Variants in PAWR observed in about 807,000 individuals in gnomAD.
PAWR encodes pro-apoptotic WT1 regulator, also known as PRKC apoptosis WT1 regulator protein.
A neutral mutation model predicts 32.0 loss-of-function variants in PAWR; 23 were observed. That is an observed-to-expected ratio of 0.72 (90% CI 0.52 to 1.02). The LOEUF (loss-of-function observed/expected upper bound fraction) is 1.02, where lower values mean the gene tolerates loss of function less well. Ranked by LOEUF, PAWR falls within the 50% of genes least tolerant of loss-of-function variation. The probability of loss-of-function intolerance (pLI) is 0.00; values close to 1 mark genes in which losing one functional copy is unlikely to be tolerated. For synonymous variants in PAWR, 226 were observed against 187.1 expected (o/e 1.21, Z -1.70); for missense variants, 457 against 437.7 (o/e 1.04, Z -0.39).
At chr12:79,603,599 T>G (rs958885847) in intron 4 of PAWR, 4 of 151,970 alleles carry the variant, frequency 2.6e-5, no homozygotes, top group African/African-American at 9.7e-5. Flanking sequence ...CAAAAAAGTT[T>G]AACTTATTAA....
chr12:79,643,076 C>T (rs925352680), intron 2 of PAWR, among the ~76,000 whole-genome samples: 2 of 152,122 alleles, frequency 1.3e-5, no homozygotes, highest in African/African-American at 4.8e-5. Context: ...AAAGGCAAAT[C>T]TTGCTTTCAG....
At chr12:79,617,737 T>G (rs1008876276) in intron 3 of PAWR, among the ~76,000 whole-genome samples, 3 of 152,236 alleles carry the variant, frequency 2.0e-5, no homozygotes, top group Non-Finnish European at 4.4e-5. Flanking sequence ...TGATATATTT[T>G]GGATGTCCCC....
rs1417051111 is a variant in PAWR, at chr12:79,587,278, AAG to A, written c.*5327_*5328del. 1 of 152,062 alleles carries A rather than the reference AAG, an allele frequency of 6.6e-6. No homozygotes were observed. The highest frequency in any genetic ancestry group is 1.5e-5 in the Non-Finnish European group (1 of 67,916). The allele number at this position is 152,062 out of a possible 1,614,324, so 9.4% of individuals were successfully genotyped here. A position where few individuals can be genotyped will look rare whatever the true frequency, so the allele number is the denominator to read the frequency against. On this transcript the variant is annotated 3_prime_UTR_variant, in exon 7 of 7. Transcript: ENST00000328827. ...GTTAGACTTGTATGACATTACTGAG[AAG>A]ATTTAGAGTTCTAGAAGTAGAGAAG...
At position 79,604,136 on chromosome 12, in the gene PAWR, C is replaced by T. The variant is rs1455285489; in HGVS notation, c.684-7478G>A. The T allele has an allele frequency of 1.6e-5, 9 of 575,838 alleles. No individual in the cohort carries two copies. In the South Asian group the frequency reaches 2.3e-4, roughly 15 times the overall value. 35.7% of individuals were successfully genotyped at this position (575,838 alleles called of 1,614,324 possible). A position where few individuals can be genotyped will look rare whatever the true frequency, so the allele number is the denominator to read the frequency against. ...ACCTATTTTGAAAGCCAGATATGCA[C>T]AGTGCAAAATACTCAGAATAAAAGA... is the stretch of plus-strand genomic sequence containing the variant. On this transcript the variant is annotated intron_variant, in intron 4 of 6. Transcript: ENST00000328827.
intron 2 of PAWR, among the ~76,000 whole-genome samples, chr12:79,626,859 G>A (rs867533025): frequency 7.9e-5 from 12 of 152,022 alleles, no homozygotes; most frequent in East Asian, 3.9e-4. Flanking sequence ...CTGTCCTTGC[G>A]ATAATTTGCT....
chr12:79,686,713 T>C (rs961251030), intron 2 of PAWR, among the ~76,000 whole-genome samples: 2 of 152,190 alleles, frequency 1.3e-5, no homozygotes, highest in African/African-American at 4.8e-5. Flanking sequence ...TGTAAAAATA[T>C]ACAAGTACTG....
intron 2 of PAWR, among the ~76,000 whole-genome samples, chr12:79,625,277 C>T (rs1197025725): frequency 6.6e-6 from 1 of 151,906 alleles, no homozygotes; most frequent in Non-Finnish European, 1.5e-5. Flanking sequence ...CAGTATCAAG[C>T]AGTCTAACAC....
rs144174920 is a variant in PAWR at position 79,632,773 on chromosome 12, C to G, written c.517-11566G>C. Among the ~76,000 whole-genome samples, 416 of 152,048 alleles carry G rather than the reference C, an allele frequency of 2.7e-3. 3 individuals are homozygous for G. Among genetic ancestry groups the G allele is most frequent in the African/African-American group, 8.9e-3 (367 of 41,462 alleles). On this transcript the variant is annotated intron_variant, in intron 2 of 6. Coordinates refer to ENST00000328827, the MANE Select transcript of PAWR (RefSeq NM_002583.4). ...TAACAAATAGATATCCATATATACC[C>G]TCCCACTAAAAGGAAAAAGTTAACT... is the stretch of plus-strand genomic sequence containing the variant.
Position 79,615,291 on chromosome 12 carries a change from C to T in PAWR, c.649-1682G>A, listed in dbSNP as rs147590338. On this transcript the variant is annotated intron_variant, in intron 3 of 6. Coordinates refer to ENST00000328827, the MANE Select transcript of PAWR (RefSeq NM_002583.4). ...CTCCACCAGCAATTCCTTTCTTTCT[C>T]CCCCAAAACCCCAGCTCACCTAGTA... Among the ~76,000 whole-genome samples, 621 of 152,248 alleles carry T rather than the reference C, an allele frequency of 4.1e-3. 11 individuals are homozygous for T. The highest frequency in any genetic ancestry group is 0.014 in the African/African-American group (589 of 41,546).
chr12:79,665,311 T>C (rs1303896753), intron 2 of PAWR, among the ~76,000 whole-genome samples: 1 of 152,176 alleles, frequency 6.6e-6, no homozygotes, highest in Non-Finnish European at 1.5e-5. Flanking sequence ...CAACAAGAGA[T>C]TAAGTCTAAC....
intron 2 of PAWR, among the ~76,000 whole-genome samples, chr12:79,680,930 A>C (rs1476713461): frequency 6.6e-6 from 1 of 151,886 alleles, no homozygotes; most frequent in Non-Finnish European, 1.5e-5. Flanking sequence ...GACCAGCAAC[A>C]TACTGAGACC....
chr12:79,681,789 G>A lies in PAWR; in HGVS notation c.516+7940C>T, dbSNP rs555610163. Among the ~76,000 whole-genome samples, 576 of 152,176 alleles carry A rather than the reference G, an allele frequency of 3.8e-3. 2 individuals are homozygous for A. Among genetic ancestry groups the A allele is most frequent in the Admixed American group, 6.5e-3 (99 of 15,280 alleles). ...TTTTGCTTACATTATAGGATATGGA[G>A]AAGTCTTTCAAGAATTTGAAACCTA... On this transcript the variant is annotated intron_variant, in intron 2 of 6. Coordinates refer to ENST00000328827, the MANE Select transcript of PAWR (RefSeq NM_002583.4).
At chr12:79,632,335 ATATATATATATATATATATATATATATTT>A (rs1875713964) in intron 2 of PAWR, among the ~76,000 whole-genome samples, 1 of 49,398 alleles carries the variant, frequency 2.0e-5, no homozygotes, top group African/African-American at 4.0e-4. Flanking sequence ...ATATATATAT[ATATATATATATATATATATATATATATTT>A]TTTTTTTTTT....
At chr12:79,637,256 T>C (rs1400801469) in intron 2 of PAWR, among the ~76,000 whole-genome samples, 1 of 152,144 alleles carries the variant, frequency 6.6e-6, no homozygotes, top group Non-Finnish European at 1.5e-5. Context: ...GCCTGTGCTT[T>C]CCAAAATGAG....
At chr12:79,595,156 T>C (rs1404750580) in intron 5 of PAWR, among the ~76,000 whole-genome samples, 1 of 152,206 alleles carries the variant, frequency 6.6e-6, no homozygotes, top group East Asian at 1.9e-4. Flanking sequence ...ATAGAAACTC[T>C]AAACAGAAAA....
rs1239796469 is a variant in PAWR at position 79,586,511 on chromosome 12, T to G, written c.*6096A>C. 6.6e-6 allele frequency: 1 copy of G among 152,192 alleles called. No individual in the cohort carries two copies. The highest frequency in any genetic ancestry group is 2.4e-5 in the African/African-American group (1 of 41,458). The allele number at this position is 152,192 out of a possible 1,614,324, so 9.4% of individuals were successfully genotyped here. On this transcript the variant is annotated 3_prime_UTR_variant, in exon 7 of 7. Transcript: ENST00000328827. The stretch of plus-strand genomic sequence containing the variant: ...ATATTTGGATAGAAGCCTCTAACAA[T>G]GTAAATATTGTGCATTTCAAGTTCC...
In PAWR at chr12:79,604,388, G is replaced by C. The variant is rs144286274; in HGVS notation, c.684-7730C>G. The C allele has an allele frequency of 6.2e-4, 632 of 1,017,694 alleles. 1 individual carries two copies. The highest frequency in any genetic ancestry group is 7.0e-4 in the Non-Finnish European group (592 of 849,634). 63.0% of individuals were successfully genotyped at this position (1,017,694 alleles called of 1,614,324 possible). ...ATCTTATGTAGAAACACCAGGGGGTGTTGTGTTGGGGAAAATTACACTATT... is the reference window on the plus strand; with the variant it reads ...ATCTTATGTAGAAACACCAGGGGGTCTTGTGTTGGGGAAAATTACACTATT... On this transcript the variant is annotated intron_variant, in intron 4 of 6. Transcript: ENST00000328827.
At chr12:79,638,862 T>TTATATATATATATATATA (rs1876105024) in intron 2 of PAWR, among the ~76,000 whole-genome samples, 1 of 25,428 alleles carries the variant, frequency 3.9e-5, no homozygotes, top group African/African-American at 1.7e-4. Context: ...TGAGATGGAG[T>TTATATATATATATATATA]CATATATATA....
chr12:79,606,480 T>C (rs1043629586), intron 4 of PAWR, among the ~76,000 whole-genome samples: 4 of 152,200 alleles, frequency 2.6e-5, no homozygotes, highest in African/African-American at 9.7e-5. Context: ...GAAGAAACTC[T>C]AGATGTTGTT....
Sources: gnomAD v4.1 joint callset for allele counts (sites outside exome capture counted in the v4.1 genomes callset) on GRCh38, gnomAD v4.1.1 for gene constraint, MANE v1.5 for transcripts, NCBI Gene and HGNC (gene_info 2026-07-23, HGNC 2026-07-21) for gene names.